The following PTPRM variants were observed in gnomAD, a reference collection of about 807,000 sequenced individuals.
PTPRM encodes the protein receptor-type tyrosine-protein phosphatase mu.
PTPRM carries 47 observed loss-of-function variants against 186.7 expected under a neutral mutation model. The ratio of observed to expected loss-of-function variants is 0.25; its 90% CI spans 0.20 to 0.32. The LOEUF (loss-of-function observed/expected upper bound fraction) is 0.32. PTPRM is among the 10% of genes least tolerant of loss of function. PTPRM has a pLI of 1.00. For missense variants in PTPRM, 1,494 were observed against 1,865.0 expected, an observed-to-expected ratio of 0.80 and a Z score of 3.66; for synonymous variants, 668 against 674.9, an observed-to-expected ratio of 0.99 and a Z score of 0.16.
intron 19 of PTPRM, among the ~76,000 whole-genome samples, chr18:8,270,678 A>T (rs1317217545): frequency 6.6e-6 from 1 of 152,184 alleles, no homozygotes; most frequent in Non-Finnish European, 1.5e-5. Context: ...TCAGCCACAA[A>T]AAAAGAAGTC....
intron 13 of PTPRM, among the ~76,000 whole-genome samples, chr18:8,125,265 C>G (rs967750636): frequency 1.3e-5 from 2 of 151,726 alleles, no homozygotes; most frequent in African/African-American, 2.4e-5. Flanking sequence ...ATTGAACGGC[C>G]CAGTTGTCAG....
chr18:8,232,984 G>C (rs8092455), intron 14 of PTPRM, among the ~76,000 whole-genome samples: 93,097 of 151,906 alleles, frequency 0.61, 29,001 homozygotes, highest in Middle Eastern at 0.74. Context: ...CTGCATTCCT[G>C]GAACAATGGG....
At chr18:8,166,246 G>A (rs2093322445) in intron 14 of PTPRM, among the ~76,000 whole-genome samples, 3 of 152,196 alleles carry the variant, frequency 2.0e-5, no homozygotes, top group African/African-American at 7.2e-5. Context: ...TGCGCTTTAC[G>A]TCATTACTGA....
intron 4 of PTPRM, among the ~76,000 whole-genome samples, chr18:7,908,810 A>G (rs186557472): frequency 2.0e-5 from 3 of 152,340 alleles, no homozygotes; most frequent in African/African-American, 7.2e-5. Flanking sequence ...GCAGAATGCA[A>G]TTACCTGAGC....
intron 23 of PTPRM, among the ~76,000 whole-genome samples, chr18:8,355,979 A>G (rs2095561325): frequency 1.3e-5 from 2 of 152,212 alleles, no homozygotes; most frequent in Non-Finnish European, 2.9e-5. Context: ...AGGTTGGTTC[A>G]TGTGCTCATC....
chr18:7,896,229 A>C (rs760331336), intron 3 of PTPRM, among the ~76,000 whole-genome samples: 14 of 152,128 alleles, frequency 9.2e-5, no homozygotes, highest in Non-Finnish European at 2.1e-4. Flanking sequence ...TTTGAAGAAT[A>C]ATATTTTCCT....
At chr18:7,656,694 T>A (rs2038857505) in intron 1 of PTPRM, among the ~76,000 whole-genome samples, 2 of 152,114 alleles carry the variant, frequency 1.3e-5, no homozygotes, top group African/African-American at 4.8e-5. Context: ...GATGTTGTGA[T>A]GGTGAATATG....
chr18:7,884,412 T>C (rs2048665750), intron 2 of PTPRM, among the ~76,000 whole-genome samples: 1 of 152,072 alleles, frequency 6.6e-6, no homozygotes, highest in South Asian at 2.1e-4. Context: ...TAAAAGATCA[T>C]GAGTGTTGAA....
At chr18:7,743,541 A>G (rs1376286277) in intron 1 of PTPRM, among the ~76,000 whole-genome samples, 1 of 152,196 alleles carries the variant, frequency 6.6e-6, no homozygotes, top group African/African-American at 2.4e-5. Context: ...ATATTAAAAT[A>G]AAAAGAGAAA....
intron 7 of PTPRM, among the ~76,000 whole-genome samples, chr18:8,050,561 G>A (rs1450786149): frequency 2.0e-5 from 3 of 151,098 alleles, no homozygotes; most frequent in African/African-American, 4.9e-5. Context: ...ATTCACTTTC[G>A]TAGGCTTGAT....
chr18:8,388,580 C>A (rs534163125), intron 31 of PTPRM, among the ~76,000 whole-genome samples: 47 of 152,340 alleles, frequency 3.1e-4, no homozygotes, highest in African/African-American at 1.1e-3. Context: ...AAGTTCCAAT[C>A]TTTTGTCCTC....
At chr18:7,747,193 G>T (rs1472524213) in intron 1 of PTPRM, among the ~76,000 whole-genome samples, 1 of 152,164 alleles carries the variant, frequency 6.6e-6, no homozygotes, top group African/African-American at 2.4e-5. Context: ...TATGGGACAT[G>T]TAAGGAGTCA....
At chr18:8,201,208 C>T (rs1217341727) in intron 14 of PTPRM, among the ~76,000 whole-genome samples, 2 of 151,892 alleles carry the variant, frequency 1.3e-5, no homozygotes. Context: ...CCCAGCTACT[C>T]GGGAAGCTGA....
chr18:8,276,945 ATT>A (rs35201374), intron 19 of PTPRM, among the ~76,000 whole-genome samples: 48 of 147,912 alleles, frequency 3.2e-4, no homozygotes, highest in East Asian at 2.2e-3. Flanking sequence ...CAAAACTGTA[ATT>A]TTTTTTTTTT....
intron 1 of PTPRM, among the ~76,000 whole-genome samples, chr18:7,606,270 T>G (rs2143800781): frequency 6.6e-6 from 1 of 152,224 alleles, no homozygotes. Context: ...CCTTAGGATC[T>G]GCACAGGTCC....
At chr18:8,141,272 A>G (rs1031639494) in intron 13 of PTPRM, among the ~76,000 whole-genome samples, 1 of 152,170 alleles carries the variant, frequency 6.6e-6, no homozygotes, top group African/African-American at 2.4e-5. Flanking sequence ...ACTCAACCGG[A>G]TGGCCACTCC....
intron 11 of PTPRM, among the ~76,000 whole-genome samples, chr18:8,090,860 G>A (rs1049534905): frequency 2.0e-5 from 3 of 152,180 alleles, no homozygotes; most frequent in Non-Finnish European, 2.9e-5. Context: ...CTCCCAAAGT[G>A]CAGGGATTAC....
At chr18:8,288,714 C>G (rs984239721) in intron 19 of PTPRM, among the ~76,000 whole-genome samples, 27 of 152,282 alleles carry the variant, frequency 1.8e-4, no homozygotes, top group African/African-American at 6.5e-4. Context: ...TGGTTCTCAA[C>G]TTATTTCTGC....
chr18:8,017,172 G>A (rs1280498547), intron 7 of PTPRM, among the ~76,000 whole-genome samples: 2 of 151,996 alleles, frequency 1.3e-5, no homozygotes, highest in Non-Finnish European at 2.9e-5. Context: ...TATTTCAGGT[G>A]TTTTACACAG....
Sources: gnomAD v4.1 joint callset for allele counts (sites outside exome capture counted in the v4.1 genomes callset) on GRCh38, gnomAD v4.1.1 for gene constraint, MANE v1.5 for transcripts, NCBI Gene and HGNC (gene_info 2026-07-23, HGNC 2026-07-21) for gene names.